PKHD1L1: variants seen among roughly 807,000 people sequenced by gnomAD.
PKHD1L1 encodes the protein PKHD1 like 1.
Under a neutral mutation model 462.9 loss-of-function variants are expected in PKHD1L1, and 434 were observed. The ratio of observed to expected loss-of-function variants is 0.94; its 90% CI spans 0.87 to 1.02. The LOEUF (loss-of-function observed/expected upper bound fraction) is 1.02, where lower values mean the gene tolerates loss of function less well. Among genes scored for constraint, PKHD1L1 ranks in the 50% least tolerant of loss-of-function variants. The pLI is 0.00. For missense variants in PKHD1L1, 5,202 were observed against 5,096.1 expected, an observed-to-expected ratio of 1.02 and a Z score of -0.63; for synonymous variants, 1,781 against 1,750.0, an observed-to-expected ratio of 1.02 and a Z score of -0.44.
At chr8:109,403,491 G>C (rs1813376426) in intron 14 of PKHD1L1, among the ~76,000 whole-genome samples, 1 of 152,122 alleles carries the variant, frequency 6.6e-6, no homozygotes, top group Non-Finnish European at 1.5e-5. Flanking sequence ...TCTGCAAAGT[G>C]CTTAGTTTAT....
chr8:109,534,188 C>T lies in PKHD1L1; in HGVS notation c.*4098C>T, dbSNP rs113896962. On this transcript the variant is annotated 3_prime_UTR_variant, in exon 78 of 78. Transcript: ENST00000378402. ...GCTTCAACTTTAATCTGAGGCTAGG[C>T]GCAGTGGCTCACGCCTGTAATCCCA... is the stretch of plus-strand genomic sequence containing the variant. Among the ~76,000 whole-genome samples, 282 of 152,352 alleles carry T rather than the reference C, an allele frequency of 1.9e-3. 2 individuals are homozygous for T. Among genetic ancestry groups the T allele is most frequent in the African/African-American group, 6.4e-3 (268 of 41,590 alleles).
chr8:109,497,113 G>A, intron 64 of PKHD1L1, 37 bp from the exon 65 acceptor site: 1 of 1,612,646 alleles, frequency 6.2e-7, no homozygotes, highest in Non-Finnish European at 8.5e-7. Flanking sequence ...TTTTATGATT[G>A]TCCTTAGTAT....
chr8:109,530,550 A>T lies in PKHD1L1; in HGVS notation c.*460A>T, dbSNP rs1821017019. Among the ~76,000 whole-genome samples the T allele has an allele frequency of 1.3e-5, 2 of 151,646 alleles. No individual in the cohort carries two copies. Among genetic ancestry groups the T allele is most frequent in the African/African-American group, 4.8e-5 (2 of 41,254 alleles). ...ATCTAAGCCATTCTAGTTTCTAAGG[A>T]TTTTGGAGAGACGAGATTGTCTTCA... On this transcript the variant is annotated 3_prime_UTR_variant, in exon 78 of 78. Transcript: ENST00000378402.
In PKHD1L1 at chr8:109,406,447, T is replaced by C. The variant is rs892903652; in HGVS notation, c.1782T>C (p.Tyr594=). 3.7e-6 allele frequency: 6 copies of C among 1,602,662 alleles called. No individual in the cohort carries two copies. In the African/African-American group the frequency reaches 8.0e-5, roughly 21 times the overall value. Residue 594 remains tyrosine (Y), a synonymous_variant, in exon 17 of 78, where the codon TAT becomes TAC. Coordinates refer to ENST00000378402, the MANE Select transcript of PKHD1L1 (RefSeq NM_177531.6). ...QVIRTQNPQS[Y]VYMVTFISTR... ...TAAGAACACAAAATCCCCAGAGCTA[T>C]GTCTACATGGTAACATTCATATCAA...
intron 8 of PKHD1L1, among the ~76,000 whole-genome samples, chr8:109,389,641 C>T (rs973970227): frequency 1.3e-5 from 2 of 151,654 alleles, no homozygotes; most frequent in East Asian, 3.9e-4. Context: ...GATTATTGTG[C>T]CTCAGCTTCC....
chr8:109,477,498 T>C (rs1278270672), intron 53 of PKHD1L1, 102 bp downstream of exon 53: 6 of 1,085,308 alleles, frequency 5.5e-6, no homozygotes, highest in Non-Finnish European at 7.5e-6. Flanking sequence ...TCTTGCACAA[T>C]GTCTTGTAGG....
Position 109,452,216 on chromosome 8 carries a change from C to T in PKHD1L1, c.6443C>T (p.Ala2148Val), listed in dbSNP as rs758289724. The stretch of plus-strand genomic sequence containing the variant: ...ACACACATCATCTGCATGACAGATG[C>T]CCATACTCTATCAGGGTGGGCTCCA... ...NKTHIICMTDAHTLSGWAPVC... is the reference protein window; with the variant it reads ...NKTHIICMTDVHTLSGWAPVC... The change falls in exon 42 of 78, where the codon GCC becomes GTC. Residue 2148 changes from alanine (A) to valine (V), a missense_variant. Coordinates refer to ENST00000378402, the MANE Select transcript of PKHD1L1 (RefSeq NM_177531.6). 185 of 1,612,628 alleles carry T rather than the reference C, an allele frequency of 1.1e-4. 1 individual carries two copies. Among genetic ancestry groups the T allele is most frequent in the Non-Finnish European group, 1.4e-4 (171 of 1,179,318 alleles).
chr8:109,523,834 T>A (rs1437426371), intron 76 of PKHD1L1, among the ~76,000 whole-genome samples: 1 of 152,210 alleles, frequency 6.6e-6, no homozygotes, highest in Non-Finnish European at 1.5e-5. Context: ...ATTATCATAA[T>A]TTACAGTACC....
At chr8:109,480,968 G>T (rs548393557) in intron 55 of PKHD1L1, among the ~76,000 whole-genome samples, 1 of 151,978 alleles carries the variant, frequency 6.6e-6, no homozygotes, top group Admixed American at 6.6e-5. Context: ...ACTAATTCAT[G>T]AATTTGGTGT....
intron 18 of PKHD1L1, among the ~76,000 whole-genome samples, chr8:109,408,852 C>T (rs979306301): frequency 2.6e-5 from 4 of 152,156 alleles, no homozygotes; most frequent in African/African-American, 9.7e-5. Context: ...GTAATACATT[C>T]TTCCATTTGG....
At chr8:109,384,192 A>G (rs1812312920) in intron 5 of PKHD1L1, 65 bp downstream of exon 5, 10 of 1,184,712 alleles carry the variant, frequency 8.4e-6, no homozygotes, top group South Asian at 1.3e-5. Context: ...ATTTTTTAGT[A>G]TATGAAATTA....
Position 109,531,265 on chromosome 8 carries a change from C to A in PKHD1L1, c.*1175C>A, listed in dbSNP as rs906714763. 2.0e-5 allele frequency among the ~76,000 whole-genome samples: 3 copies of A among 152,176 alleles called. No homozygotes were observed. The highest frequency in any genetic ancestry group is 2.9e-5 in the Non-Finnish European group (2 of 68,038). ...CTTACCAGGTAGTAAAATCAAATATCTTGGTATAAATGTGGCATTTCATTC... is the reference window on the plus strand; with the variant it reads ...CTTACCAGGTAGTAAAATCAAATATATTGGTATAAATGTGGCATTTCATTC... On this transcript the variant is annotated 3_prime_UTR_variant, in exon 78 of 78. Transcript: ENST00000378402.
At chr8:109,432,314 C>T (rs1815154939) in intron 27 of PKHD1L1, among the ~76,000 whole-genome samples, 1 of 152,080 alleles carries the variant, frequency 6.6e-6, no homozygotes, top group African/African-American at 2.4e-5. Context: ...TGGTCAACCC[C>T]ATGACTTCAT....
Position 109,477,234 on chromosome 8 carries a change from G to C in PKHD1L1, c.8927G>C (p.Arg2976Thr). 1 of 1,613,088 alleles carries C rather than the reference G, an allele frequency of 6.2e-7. No individual in the cohort carries two copies. The highest frequency in any genetic ancestry group is 8.5e-7 in the Non-Finnish European group (1 of 1,179,526). ...TSTLYYLVSG[R>T]NDLHQSQLIS... The stretch of plus-strand genomic sequence containing the variant: ...TTTACTTCACTTTCAGTGTCAGGAA[G>C]AAATGACCTTCATCAGAGTCAGCTC... The change falls in exon 53 of 78, where the codon AGA becomes ACA. Residue 2976 changes from arginine to threonine, a missense_variant. Transcript: ENST00000378402.
rs771036048 is a variant in PKHD1L1, at chr8:109,436,425, G to T, written c.3593G>T (p.Gly1198Val). 6.2e-7 allele frequency: 1 copy of T among 1,613,226 alleles called. No individual in the cohort carries two copies. The highest frequency in any genetic ancestry group is 1.1e-5 in the South Asian group (1 of 90,998). The change falls in exon 30 of 78, where the codon GGG becomes GTG. Residue 1198 changes from glycine to valine, a missense_variant. This residue lies in a region of PKHD1L1 where 4,497 missense variants were observed against 4,336.8 expected (regional missense o/e 1.04). Coordinates refer to ENST00000378402, the MANE Select transcript of PKHD1L1 (RefSeq NM_177531.6). Reference sequence around the variant, plus strand: ...AATGAAACCTGCAATGTGATTGAAGGGGATTTGAATAGGATAACCTGCAGG... The same window carrying T: ...AATGAAACCTGCAATGTGATTGAAGTGGATTTGAATAGGATAACCTGCAGG... ...VGNETCNVIEGDLNRITCRTP... is the reference protein window; with the variant it reads ...VGNETCNVIEVDLNRITCRTP...
chr8:109,385,389 T>C (rs1181709394), intron 5 of PKHD1L1, 148 bp from the exon 6 acceptor site: 3 of 496,046 alleles, frequency 6.0e-6, no homozygotes, highest in African/African-American at 4.0e-5. Flanking sequence ...TGCTAGAACT[T>C]TCAGAACAAT....
intron 67 of PKHD1L1, among the ~76,000 whole-genome samples, chr8:109,504,078 T>C (rs1306167128): frequency 6.6e-6 from 1 of 152,218 alleles, no homozygotes; most frequent in Non-Finnish European, 1.5e-5. Context: ...ATTGCTATTG[T>C]CCCATTGGCC....
At position 109,535,616 on chromosome 8, in the gene PKHD1L1, A is replaced by G. The variant is rs1563648660; in HGVS notation, c.*5526A>G. 6.6e-6 allele frequency among the ~76,000 whole-genome samples: 1 copy of G among 152,250 alleles called. No individual in the cohort carries two copies. Among genetic ancestry groups the G allele is most frequent in the Non-Finnish European group, 1.5e-5 (1 of 68,034 alleles). Reference sequence around the variant, plus strand: ...TTCAAAATTAAGAGTTTAAAAAGCAACAATCAAGACACATATCCTCCTAAG... The same window carrying G: ...TTCAAAATTAAGAGTTTAAAAAGCAGCAATCAAGACACATATCCTCCTAAG... On this transcript the variant is annotated 3_prime_UTR_variant, in exon 78 of 78. Coordinates refer to ENST00000378402, the MANE Select transcript of PKHD1L1 (RefSeq NM_177531.6).
intron 2 of PKHD1L1, 61 bp downstream of exon 2, chr8:109,364,697 T>G (rs1172559997): frequency 1.8e-6 from 2 of 1,097,910 alleles, no homozygotes; most frequent in Non-Finnish European, 2.6e-6. Context: ...GCCTATTTCA[T>G]ATTTAGAGCT....
Sources: allele counts gnomAD v4.1 joint callset (sites outside exome capture counted in the v4.1 genomes callset), GRCh38; gene constraint gnomAD v4.1.1; regional missense constraint gnomAD v4.1.1; transcripts MANE v1.5; gene names NCBI Gene and HGNC (gene_info 2026-07-23, HGNC 2026-07-21).